Variants in ETV1 observed in about 807,000 individuals in gnomAD.
ETV1 encodes ETS variant transcription factor 1, also known as ETS translocation variant 1.
Under a neutral mutation model 62.3 loss-of-function variants are expected in ETV1, and 27 were observed. That is an observed-to-expected ratio of 0.43 (90% CI 0.32 to 0.60). The LOEUF is 0.60. Among genes scored for constraint, ETV1 ranks in the 20% least tolerant of loss-of-function variants. The pLI is 0.06. For missense variants in ETV1, 605 were observed against 605.8 expected (o/e 1.00, Z 0.01); for synonymous variants, 222 against 199.6 (o/e 1.11, Z -0.94).
intron 13 of ETV1, among the ~76,000 whole-genome samples, chr7:13,897,249 G>C (rs1206204706): frequency 6.6e-6 from 1 of 152,126 alleles, no homozygotes; most frequent in Non-Finnish European, 1.5e-5. Flanking sequence ...AGCTGAAGGT[G>C]ACACAACACC....
At chr7:13,925,650 A>C (rs989417377) in intron 9 of ETV1, among the ~76,000 whole-genome samples, 5 of 150,700 alleles carry the variant, frequency 3.3e-5, no homozygotes, top group Admixed American at 2.0e-4. Context: ...ACTGCAAGCT[A>C]CACCTCCCTG....
intron 9 of ETV1, among the ~76,000 whole-genome samples, chr7:13,925,093 T>G (rs1410569843): frequency 6.6e-6 from 1 of 152,194 alleles, no homozygotes; most frequent in Admixed American, 6.5e-5. Context: ...CTCTCTAAGC[T>G]CAAAGTATGC....
At chr7:13,907,377 G>A (rs1046142405) in intron 11 of ETV1, among the ~76,000 whole-genome samples, 2 of 151,988 alleles carry the variant, frequency 1.3e-5, no homozygotes, top group African/African-American at 4.8e-5. Flanking sequence ...ATTTAAAAAT[G>A]CATGCACGAG....
At chr7:13,964,810 T>C (rs1414197993) in intron 6 of ETV1, among the ~76,000 whole-genome samples, 2 of 152,132 alleles carry the variant, frequency 1.3e-5, no homozygotes, top group African/African-American at 4.8e-5. Context: ...GTTCATACTT[T>C]TTCTTATTTG....
intron 6 of ETV1, among the ~76,000 whole-genome samples, chr7:13,951,478 G>T (rs1040961676): frequency 6.6e-6 from 1 of 152,122 alleles, no homozygotes; most frequent in African/African-American, 2.4e-5. Context: ...AGGACTAAGG[G>T]AGCCACACTA....
chr7:13,945,774 AGTTCATTG>A (rs1788089264), intron 6 of ETV1, among the ~76,000 whole-genome samples: 3 of 152,194 alleles, frequency 2.0e-5, no homozygotes, highest in Non-Finnish European at 4.4e-5. Context: ...GCGGTTTTCC[AGTTCATTG>A]GCACAGGCAC....
At chr7:13,943,772 C>T (rs1787832007) in intron 6 of ETV1, among the ~76,000 whole-genome samples, 1 of 152,080 alleles carries the variant, frequency 6.6e-6, no homozygotes, top group South Asian at 2.1e-4. Context: ...TTATATCTTG[C>T]TTCTGGGTGG....
chr7:13,894,086 T>G lies in ETV1; in HGVS notation c.*1780A>C, dbSNP rs1283529437. 4.3e-6 allele frequency: 1 copy of G among 232,702 alleles called. No homozygotes were observed. The highest frequency in any genetic ancestry group is 2.2e-5 in the African/African-American group (1 of 45,304). The allele number at this position is 232,702 out of a possible 1,614,324, so 14.4% of individuals were successfully genotyped here. A position where few individuals can be genotyped will look rare whatever the true frequency, so the allele number is the denominator to read the frequency against. ...AATGGGTAGCTGGGGGGATCATCTT[T>G]AAACAATCTTTTTCATGCTCATCAC... On this transcript the variant is annotated 3_prime_UTR_variant, in exon 14 of 14. Coordinates refer to ENST00000430479, the MANE Select transcript of ETV1 (RefSeq NM_004956.5).
chr7:13,918,962 T>C (rs1398803714), intron 9 of ETV1, among the ~76,000 whole-genome samples: 2 of 152,100 alleles, frequency 1.3e-5, no homozygotes, highest in Non-Finnish European at 2.9e-5. Context: ...TCTCTCTTAT[T>C]TTATCTTATC....
intron 9 of ETV1, among the ~76,000 whole-genome samples, chr7:13,919,498 A>T (rs1784575021): frequency 6.7e-6 from 1 of 148,740 alleles, no homozygotes; most frequent in Admixed American, 6.7e-5. Context: ...GATACTTTTC[A>T]TATTTATCTT....
At chr7:13,921,737 G>A (rs75664650) in intron 9 of ETV1, among the ~76,000 whole-genome samples, 22,196 of 152,186 alleles carry the variant, frequency 0.15, 2,240 homozygotes, top group African/African-American at 0.29. Flanking sequence ...ATTTATGGCA[G>A]TATGTTAGAG....
chr7:13,989,154 G>T lies in ETV1; in HGVS notation c.-87-15C>A. On this transcript the variant is annotated splice_polypyrimidine_tract_variant and intron_variant, in intron 2 of 13. Transcript: ENST00000430479. Reference sequence around the variant, plus strand: ...CTTCTATCAACCTAGAGGGGAACAAGATGGCTTTTAGGCTTAAAAAAAAAT... The same window carrying T: ...CTTCTATCAACCTAGAGGGGAACAATATGGCTTTTAGGCTTAAAAAAAAAT... 2.0e-6 allele frequency: 2 copies of T among 1,005,960 alleles called. No homozygotes were observed. Among genetic ancestry groups the T allele is most frequent in the Non-Finnish European group, 2.9e-6 (2 of 686,924 alleles). The allele number at this position is 1,005,960 out of a possible 1,614,324, so 62.3% of individuals were successfully genotyped here.
rs142096276 is a variant in ETV1, at chr7:13,910,040, A to T, written c.872-340T>A. On this transcript the variant is annotated intron_variant, in intron 10 of 13. Transcript: ENST00000430479. ...TATAACGTATCGTCTCCTTTTTTAG[A>T]TTCATCTAAATTTTATTGTTCAATG... 2.1e-3 allele frequency among the ~76,000 whole-genome samples: 318 copies of T among 152,192 alleles called. 4 individuals are homozygous for T. The East Asian group carries it at 0.024, about 12-fold the overall frequency.
chr7:13,962,243 T>A (rs1175121766), intron 6 of ETV1, among the ~76,000 whole-genome samples: 1 of 151,330 alleles, frequency 6.6e-6, no homozygotes, highest in African/African-American at 2.4e-5. Flanking sequence ...TTAGTCACCC[T>A]AGGGGAGATA....
chr7:13,894,281 T>C lies in ETV1; in HGVS notation c.*1585A>G, dbSNP rs187800430. The C allele has an allele frequency of 2.7e-4, 62 of 232,710 alleles. No homozygotes were observed. Among genetic ancestry groups the C allele is most frequent in the African/African-American group, 1.3e-3 (59 of 45,404 alleles). The allele number at this position is 232,710 out of a possible 1,614,324, so 14.4% of individuals were successfully genotyped here. On this transcript the variant is annotated 3_prime_UTR_variant, in exon 14 of 14. Transcript: ENST00000430479. Reference sequence around the variant, plus strand: ...TTTAGCGAGCTATTCAGAGATTCTATATCCCCATTTACTCATGGTTTTTTC... The same window carrying C: ...TTTAGCGAGCTATTCAGAGATTCTACATCCCCATTTACTCATGGTTTTTTC...
chr7:13,922,280 T>G (rs976313587), intron 9 of ETV1, among the ~76,000 whole-genome samples: 35 of 152,308 alleles, frequency 2.3e-4, no homozygotes, highest in African/African-American at 7.9e-4. Context: ...AAGGCATACA[T>G]TCGTAACAAC....
intron 13 of ETV1, chr7:13,900,422 T>A (rs1221272096): frequency 4.1e-6 from 1 of 244,134 alleles, no homozygotes; most frequent in Non-Finnish European, 7.7e-6. Context: ...ATTATATAAT[T>A]GTAGACAATG....
chr7:13,945,294 A>T (rs78644605), intron 6 of ETV1, among the ~76,000 whole-genome samples: 7,609 of 152,020 alleles, frequency 0.05, 516 homozygotes, highest in African/African-American at 0.16. Context: ...AGTTTTTTTT[A>T]AAAATCCAGC....
intron 6 of ETV1, among the ~76,000 whole-genome samples, chr7:13,959,753 C>T (rs1222161454): frequency 1.3e-5 from 2 of 151,730 alleles, no homozygotes; most frequent in Non-Finnish European, 2.9e-5. Context: ...AGTGGTGGCA[C>T]ATGCCTCTAA....
Sources: allele counts gnomAD v4.1 joint callset (sites outside exome capture counted in the v4.1 genomes callset), GRCh38; gene constraint gnomAD v4.1.1; transcripts MANE v1.5; gene names NCBI Gene and HGNC (gene_info 2026-07-23, HGNC 2026-07-21).